CACNA2D1: variants seen among roughly 807,000 people sequenced by gnomAD.
CACNA2D1 encodes voltage-dependent calcium channel subunit alpha-2/delta-1.
A neutral mutation model predicts 171.5 loss-of-function variants in CACNA2D1; 53 were observed. The ratio of observed to expected loss-of-function variants is 0.31; its 90% CI spans 0.25 to 0.39. The LOEUF is 0.39. Among genes scored for constraint, CACNA2D1 ranks in the 10% least tolerant of loss-of-function variants. The pLI is 1.00. For synonymous variants in CACNA2D1, 442 were observed against 443.1 expected (o/e 1.00, Z 0.03); for missense variants, 903 against 1,299.8 (o/e 0.69, Z 4.69).
intron 19 of CACNA2D1, among the ~76,000 whole-genome samples, chr7:81,995,853 C>G (rs1342760601): frequency 6.6e-6 from 1 of 150,986 alleles, no homozygotes. Flanking sequence ...ATATTCCAGT[C>G]GACTGGCAAT....
intron 10 of CACNA2D1, among the ~76,000 whole-genome samples, chr7:82,047,461 A>T (rs1291900209): frequency 6.6e-6 from 1 of 152,162 alleles, no homozygotes; most frequent in Non-Finnish European, 1.5e-5. Context: ...ACACAATAAG[A>T]ATGGCATACA....
chr7:82,336,482 T>C (rs1032141056), intron 2 of CACNA2D1, among the ~76,000 whole-genome samples: 4 of 152,224 alleles, frequency 2.6e-5, no homozygotes, highest in African/African-American at 9.6e-5. Context: ...ATTCACACTA[T>C]GAGATTTTAC....
At chr7:82,169,995 AC>A (rs956253767) in intron 4 of CACNA2D1, among the ~76,000 whole-genome samples, 8 of 152,064 alleles carry the variant, frequency 5.3e-5, no homozygotes, top group African/African-American at 1.7e-4. Flanking sequence ...GAAAAAAAAA[AC>A]ATGCAACCGC....
intron 5 of CACNA2D1, among the ~76,000 whole-genome samples, chr7:82,118,572 T>C (rs1789348018): frequency 2.6e-5 from 4 of 152,120 alleles, no homozygotes; most frequent in Admixed American, 2.0e-4. Context: ...GAATATATTA[T>C]ATTTGTGATA....
chr7:82,390,456 G>A (rs1049393455), intron 1 of CACNA2D1, among the ~76,000 whole-genome samples: 2 of 152,188 alleles, frequency 1.3e-5, no homozygotes, highest in Non-Finnish European at 2.9e-5. Flanking sequence ...CAAACCTGGA[G>A]TTGAAATAGG....
At position 82,016,328 on chromosome 7, in the gene CACNA2D1, G is replaced by C. The variant is rs557488229; in HGVS notation, c.1144-1849C>G. Among the ~76,000 whole-genome samples the C allele has an allele frequency of 2.6e-5, 4 of 152,184 alleles. No homozygotes were observed. In the East Asian group the frequency reaches 7.7e-4, roughly 29 times the overall value. ...AAGTCCAGATGCTCCAGGAAGCACTGGGGGATCTCTCTCATAACTAACATT... is the reference window on the plus strand; with the variant it reads ...AAGTCCAGATGCTCCAGGAAGCACTCGGGGATCTCTCTCATAACTAACATT... On this transcript the variant is annotated intron_variant, in intron 12 of 38. Coordinates refer to ENST00000356860, the MANE Select transcript of CACNA2D1 (RefSeq NM_000722.4).
At chr7:82,436,920 T>A (rs1415779591) in intron 1 of CACNA2D1, among the ~76,000 whole-genome samples, 2 of 152,176 alleles carry the variant, frequency 1.3e-5, no homozygotes, top group Admixed American at 6.5e-5. Context: ...CTTTCCCCTC[T>A]TTTCCCTAAT....
intron 19 of CACNA2D1, among the ~76,000 whole-genome samples, chr7:81,995,804 A>AT (rs1238143214): frequency 4.5e-4 from 68 of 151,854 alleles, no homozygotes; most frequent in African/African-American, 1.6e-3. Flanking sequence ...ACCTCAAAAA[A>AT]AAAAAAAAAA....
intron 12 of CACNA2D1, among the ~76,000 whole-genome samples, chr7:82,026,169 T>C (rs943620644): frequency 6.6e-6 from 1 of 151,666 alleles, no homozygotes; most frequent in East Asian, 1.9e-4. Flanking sequence ...AGCCTATGTG[T>C]GTCCTTAAAT....
Position 81,950,242 on chromosome 7 carries a change from A to G in CACNA2D1, c.*150T>C. ...CTGACATGCAGCCAGTGGGTGCCTT[A>G]GGAGTCTGCGCCTTAGTGTTATGCC... On this transcript the variant is annotated 3_prime_UTR_variant, in exon 39 of 39. Transcript: ENST00000356860. The G allele has an allele frequency of 7.2e-7, 1 of 1,392,674 alleles. No individual in the cohort carries two copies. Among genetic ancestry groups the G allele is most frequent in the Non-Finnish European group, 1.0e-6 (1 of 1,004,806 alleles). The allele number at this position is 1,392,674 out of a possible 1,614,324, so 86.3% of individuals were successfully genotyped here. A position where few individuals can be genotyped will look rare whatever the true frequency, so the allele number is the denominator to read the frequency against.
chr7:82,366,903 C>CTTTTTTTTTTTTTTTTTTGTTTTTTTTT (rs1821793625), intron 1 of CACNA2D1, among the ~76,000 whole-genome samples: 1 of 86,944 alleles, frequency 1.2e-5, no homozygotes, highest in African/African-American at 3.9e-5. Flanking sequence ...TGGTTTTGAC[C>CTTTTTTTTTTTTTTTTTTGTTTTTTTTT]TTTTTTTTTT....
chr7:82,084,636 G>A (rs1584687119), intron 7 of CACNA2D1, 133 bp downstream of exon 7: 4 of 1,041,482 alleles, frequency 3.8e-6, no homozygotes, highest in Non-Finnish European at 5.9e-6. Context: ...GCCATGTAAA[G>A]AGGAATGTTC....
intron 4 of CACNA2D1, among the ~76,000 whole-genome samples, chr7:82,145,611 ATATAT>A (rs535403367): frequency 2.9e-4 from 42 of 145,288 alleles, no homozygotes; most frequent in Middle Eastern, 0.01. Flanking sequence ...TATATTTTAC[ATATAT>A]TATAAAATTA....
chr7:82,311,372 GA>G (rs541125505), intron 3 of CACNA2D1, among the ~76,000 whole-genome samples: 3 of 145,548 alleles, frequency 2.1e-5, no homozygotes, highest in South Asian at 2.2e-4. Context: ...TACAAAAAAA[GA>G]AAAAAAAAAC....
chr7:81,955,792 T>G (rs1282619750), intron 38 of CACNA2D1, among the ~76,000 whole-genome samples: 1 of 151,010 alleles, frequency 6.6e-6, no homozygotes, highest in Non-Finnish European at 1.5e-5. Flanking sequence ...ATAAAGCATA[T>G]TATCTGGTAC....
chr7:82,084,896 T>C lies in CACNA2D1; in HGVS notation c.531A>G (p.Thr177=). The change falls in exon 7 of 39, where the codon ACA becomes ACG. Residue 177 remains threonine, a synonymous_variant. Transcript: ENST00000356860. Reference sequence around the variant, plus strand: ...TCCAGTTGAGTTCATTTAACACAATTGTTGCTAACAAAAAAGAGAGAAACC... The same window carrying C: ...TCCAGTTGAGTTCATTTAACACAATCGTTGCTAACAAAAAAGAGAGAAACC... The part of the protein sequence containing the change: ...HIPTDIYEGS[T]IVLNELNWTS... 3.7e-6 allele frequency: 6 copies of C among 1,612,632 alleles called. No individual in the cohort carries two copies. The highest frequency in any genetic ancestry group is 5.1e-6 in the Non-Finnish European group (6 of 1,178,650).
At chr7:82,007,375 A>G (rs1006050110) in intron 16 of CACNA2D1, among the ~76,000 whole-genome samples, 1 of 152,140 alleles carries the variant, frequency 6.6e-6, no homozygotes, top group African/African-American at 2.4e-5. Context: ...ATGGATTCTT[A>G]AAATGTGCAC....
intron 3 of CACNA2D1, among the ~76,000 whole-genome samples, chr7:82,296,285 AT>A (rs1373714735): frequency 6.6e-6 from 1 of 152,008 alleles, no homozygotes; most frequent in African/African-American, 2.4e-5. Context: ...AAACATGTAG[AT>A]TCTGAAGAGG....
rs1221401426 is a variant in CACNA2D1 at position 82,146,453 on chromosome 7, G to GAT, written c.355-9779_355-9778dup. Among the ~76,000 whole-genome samples, 4 of 130,704 alleles carry GAT rather than the reference G, an allele frequency of 3.1e-5. No homozygotes were observed. In the East Asian group the frequency reaches 6.3e-4, roughly 21 times the overall value. 85.7% of individuals were successfully genotyped at this position (130,704 alleles called of 152,430 possible). On this transcript the variant is annotated intron_variant, in intron 4 of 38. Coordinates refer to ENST00000356860, the MANE Select transcript of CACNA2D1 (RefSeq NM_000722.4). ...ACATATTTATATTTATATATATAAA[G>GAT]ATATATATAAATATATATCTTTATA...
Sources: allele counts gnomAD v4.1 joint callset (sites outside exome capture counted in the v4.1 genomes callset), GRCh38; gene constraint gnomAD v4.1.1; transcripts MANE v1.5; gene names NCBI Gene and HGNC (gene_info 2026-07-23, HGNC 2026-07-21).